CPE: variants seen among roughly 807,000 people sequenced by gnomAD.
CPE encodes the protein carboxypeptidase E, also known as carbocypeptidase E.
Under a neutral mutation model 53.5 loss-of-function variants are expected in CPE, and 17 were observed. The observed-to-expected ratio is 0.32, with a 90% CI of 0.22 to 0.48. CPE has a LOEUF of 0.48. Ranked by LOEUF, CPE falls within the 20% of genes least tolerant of loss-of-function variation. The pLI is 0.99. For synonymous variants in CPE, 226 were observed against 228.8 expected, an observed-to-expected ratio of 0.99 and a Z score of 0.11; for missense variants, 524 against 614.7, an observed-to-expected ratio of 0.85 and a Z score of 1.56.
chr4:165,414,674 G>C (rs962686576), intron 1 of CPE, among the ~76,000 whole-genome samples: 5 of 149,910 alleles, frequency 3.3e-5, no homozygotes, highest in Non-Finnish European at 7.4e-5. Context: ...CGTAGATATA[G>C]AGATAAAGTA....
At chr4:165,467,908 G>T in intron 3 of CPE, 53 bp downstream of exon 3, 1 of 1,569,396 alleles carries the variant, frequency 6.4e-7, no homozygotes, top group Non-Finnish European at 8.7e-7. Context: ...AAGGAAATAT[G>T]TTCCAATATC....
intron 1 of CPE, among the ~76,000 whole-genome samples, chr4:165,403,497 C>A (rs1246415837): frequency 6.6e-6 from 1 of 152,080 alleles, no homozygotes; most frequent in Non-Finnish European, 1.5e-5. Context: ...AATAAATAAT[C>A]ATTGGGGCCC....
intron 1 of CPE, among the ~76,000 whole-genome samples, chr4:165,397,988 G>T (rs765022508): frequency 6.7e-6 from 1 of 150,188 alleles, no homozygotes; most frequent in East Asian, 2.0e-4. Flanking sequence ...GGAGTTGGAG[G>T]CTGCAGTGGG....
At chr4:165,407,106 T>C (rs1185410505) in intron 1 of CPE, among the ~76,000 whole-genome samples, 1 of 152,236 alleles carries the variant, frequency 6.6e-6, no homozygotes, top group African/African-American at 2.4e-5. Flanking sequence ...GGTATGAACC[T>C]AGCAGTGGAA....
At chr4:165,495,305 A>G (rs979689644) in intron 7 of CPE, among the ~76,000 whole-genome samples, 1 of 152,182 alleles carries the variant, frequency 6.6e-6, no homozygotes, top group African/African-American at 2.4e-5. Context: ...TAGAAGATCT[A>G]TGATCGTACG....
chr4:165,395,717 CATG>C (rs1267822463), intron 1 of CPE, among the ~76,000 whole-genome samples: 1 of 152,170 alleles, frequency 6.6e-6, no homozygotes, highest in Non-Finnish European at 1.5e-5. Flanking sequence ...TGATAATTCA[CATG>C]TAGAGAATTG....
intron 1 of CPE, among the ~76,000 whole-genome samples, chr4:165,408,036 C>T (rs1238319718): frequency 2.6e-5 from 4 of 152,082 alleles, no homozygotes; most frequent in African/African-American, 9.7e-5. Context: ...GTTGTAAGAG[C>T]TCCCTACGTA....
intron 1 of CPE, among the ~76,000 whole-genome samples, chr4:165,458,936 A>G (rs1343458001): frequency 6.6e-6 from 1 of 152,192 alleles, no homozygotes; most frequent in African/African-American, 2.4e-5. Context: ...TTATTTGATC[A>G]TTTATGTCAT....
At chr4:165,437,166 C>T (rs950287960) in intron 1 of CPE, among the ~76,000 whole-genome samples, 1 of 152,166 alleles carries the variant, frequency 6.6e-6, no homozygotes, top group Admixed American at 6.5e-5. Flanking sequence ...ATTGGTCTGG[C>T]TGGGGTCACA....
Position 165,428,421 on chromosome 4 carries a change from T to TC in CPE, c.308-35968dup. ...AGCAACCAAATAATTGAATTGTTGC[T>TC]CAAAGAAAAAAGACTTACTGTAATG... On this transcript the variant is annotated intron_variant, in intron 1 of 8. Transcript: ENST00000402744. Among the ~76,000 whole-genome samples, 3 of 140,760 alleles carry TC rather than the reference T, an allele frequency of 2.1e-5. 1 individual carries two copies. In the Middle Eastern group the frequency reaches 0.011, roughly 529 times the overall value. The allele number at this position is 140,760 out of a possible 152,430, so 92.3% of individuals were successfully genotyped here. A position where few individuals can be genotyped will look rare whatever the true frequency, so the allele number is the denominator to read the frequency against.
rs371782508 is a variant in CPE, at chr4:165,464,348, A to T, written c.308-42A>T. The T allele has an allele frequency of 8.8e-6, 13 of 1,483,596 alleles. No homozygotes were observed. The Admixed American group carries it at 2.5e-4, about 29-fold the overall frequency. The allele number at this position is 1,483,596 out of a possible 1,614,324, so 91.9% of individuals were successfully genotyped here. A position where few individuals can be genotyped will look rare whatever the true frequency, so the allele number is the denominator to read the frequency against. Reference sequence around the variant, plus strand: ...AGGTATACAATATATTTGGCTCTGTATGTCATAGAAAACATCTCCATGCTA... The same window carrying T: ...AGGTATACAATATATTTGGCTCTGTTTGTCATAGAAAACATCTCCATGCTA... On this transcript the variant is annotated intron_variant, in intron 1 of 8. Coordinates refer to ENST00000402744, the MANE Select transcript of CPE (RefSeq NM_001873.4).
chr4:165,481,293 T>C (rs1579281100), intron 3 of CPE, among the ~76,000 whole-genome samples: 1 of 152,262 alleles, frequency 6.6e-6, no homozygotes, highest in East Asian at 1.9e-4. Context: ...TATCTTTGCA[T>C]ATCCAATACG....
chr4:165,420,545 G>C (rs1026915222), intron 1 of CPE, among the ~76,000 whole-genome samples: 2 of 149,214 alleles, frequency 1.3e-5, no homozygotes, highest in African/African-American at 4.9e-5. Context: ...CCATTTTACA[G>C]GTGATGTCTA....
intron 1 of CPE, chr4:165,404,884 A>G: frequency 1.3e-6 from 1 of 762,520 alleles, no homozygotes; most frequent in South Asian, 1.3e-5. Flanking sequence ...TCACCTTCTC[A>G]GGTCTTTTGC....
intron 1 of CPE, among the ~76,000 whole-genome samples, chr4:165,456,829 C>A (rs1444650008): frequency 6.6e-6 from 1 of 151,398 alleles, no homozygotes; most frequent in Non-Finnish European, 1.5e-5. Context: ...GCAACCTCCA[C>A]CTCCCAGGTT....
intron 1 of CPE, among the ~76,000 whole-genome samples, chr4:165,449,732 C>T (rs567594325): frequency 6.6e-6 from 1 of 151,770 alleles, no homozygotes; most frequent in Admixed American, 6.6e-5. Context: ...ATTATCTTCC[C>T]AGAAGAGAAA....
At chr4:165,405,550 C>T (rs1429699764) in intron 1 of CPE, 9 of 938,658 alleles carry the variant, frequency 9.6e-6, no homozygotes. Flanking sequence ...ATGGAATAGT[C>T]ATGGCATACG....
intron 1 of CPE, among the ~76,000 whole-genome samples, chr4:165,410,897 CTGAGGA>C (rs1731031762): frequency 6.6e-6 from 1 of 151,940 alleles, no homozygotes; most frequent in Admixed American, 6.6e-5. Context: ...GTTTCAGGAT[CTGAGGA>C]TAAAGGATCA....
chr4:165,379,057 C>T lies in CPE; in HGVS notation c.-165C>T, dbSNP rs1350851313. 1 of 562,290 alleles carries T rather than the reference C, an allele frequency of 1.8e-6. No individual in the cohort carries two copies. Among genetic ancestry groups the T allele is most frequent in the Non-Finnish European group, 2.6e-6 (1 of 389,560 alleles). The allele number at this position is 562,290 out of a possible 1,614,324, so 34.8% of individuals were successfully genotyped here. On this transcript the variant is annotated 5_prime_UTR_variant, in exon 1 of 9. Coordinates refer to ENST00000402744, the MANE Select transcript of CPE (RefSeq NM_001873.4). This position sits in a 1 kb window ranked among gnomAD's most constrained non-coding sequence, Gnocchi z 6.0. The stretch of plus-strand genomic sequence containing the variant: ...GCTTTGCCCGTCTCCTCTGGGTGGC[C>T]CCAGTGCGCGGGCTGACACTCATTC...
Sources: allele counts gnomAD v4.1 joint callset (sites outside exome capture counted in the v4.1 genomes callset), GRCh38; gene constraint gnomAD v4.1.1; non-coding constraint Gnocchi (gnomAD v3.1); transcripts MANE v1.5; gene names NCBI Gene and HGNC (gene_info 2026-07-23, HGNC 2026-07-21).